RELN: variants seen among roughly 807,000 people sequenced by gnomAD.
RELN encodes reelin.
A neutral mutation model predicts 427.6 loss-of-function variants in RELN; 108 were observed. The ratio of observed to expected loss-of-function variants is 0.25; its 90% CI spans 0.22 to 0.30. The LOEUF (loss-of-function observed/expected upper bound fraction) is 0.30, where lower values mean the gene tolerates loss of function less well. Ranked by LOEUF, RELN falls within the 10% of genes least tolerant of loss-of-function variation. The pLI is 1.00. For synonymous variants in RELN, 1,524 were observed against 1,513.4 expected, an observed-to-expected ratio of 1.01 and a Z score of -0.16; for missense variants, 3,715 against 4,302.8, an observed-to-expected ratio of 0.86 and a Z score of 3.82.
At chr7:103,774,411 T>A (rs1438007233) in intron 4 of RELN, among the ~76,000 whole-genome samples, 6 of 152,144 alleles carry the variant, frequency 3.9e-5, no homozygotes, top group Admixed American at 3.9e-4. Flanking sequence ...TTTTTCAATA[T>A]GTTTAGCAAG....
chr7:103,573,731 G>A lies in RELN; in HGVS notation c.4511+361C>T, dbSNP rs569899887. ...CAAATCAACTTAGATAAATGAGGACGCATCAATTTCAGACATAGAATGTAA... is the reference window on the plus strand; with the variant it reads ...CAAATCAACTTAGATAAATGAGGACACATCAATTTCAGACATAGAATGTAA... On this transcript the variant is annotated intron_variant, in intron 30 of 64. Coordinates refer to ENST00000428762, the MANE Select transcript of RELN (RefSeq NM_005045.4). This position sits in a 1 kb window ranked among gnomAD's most constrained non-coding sequence, Gnocchi z 4.4. Among the ~76,000 whole-genome samples, 3 of 152,274 alleles carry A rather than the reference G, an allele frequency of 2.0e-5. No homozygotes were observed. The highest frequency in any genetic ancestry group is 3.9e-4 in the East Asian group (2 of 5,180).
chr7:103,881,716 T>G (rs566238796), intron 2 of RELN, among the ~76,000 whole-genome samples: 9 of 152,156 alleles, frequency 5.9e-5, no homozygotes, highest in Non-Finnish European at 1.3e-4. Context: ...AAAAGTAACG[T>G]CATCTCGGAT....
intron 3 of RELN, among the ~76,000 whole-genome samples, chr7:103,815,912 T>G (rs183816346): frequency 2.0e-4 from 30 of 152,360 alleles, no homozygotes; most frequent in Admixed American, 1.8e-3. Flanking sequence ...CCTGATTACA[T>G]CTTTCATTAA....
At chr7:103,759,092 C>T (rs1199475174) in intron 4 of RELN, among the ~76,000 whole-genome samples, 2 of 151,880 alleles carry the variant, frequency 1.3e-5, no homozygotes, top group African/African-American at 4.8e-5. Flanking sequence ...TTAGAAGGTA[C>T]TTTAAAGTTT....
At chr7:103,971,359 G>A in intron 1 of RELN, among the ~76,000 whole-genome samples, 1 of 151,858 alleles carries the variant, frequency 6.6e-6, no homozygotes, top group African/African-American at 2.4e-5. Flanking sequence ...TATATTACAA[G>A]GAATTACTAA....
intron 2 of RELN, among the ~76,000 whole-genome samples, chr7:103,888,623 C>T (rs1396637246): frequency 6.6e-6 from 1 of 152,128 alleles, no homozygotes; most frequent in Non-Finnish European, 1.5e-5. Context: ...CCTGGCAGAG[C>T]CACTACTTGC....
intron 43 of RELN, among the ~76,000 whole-genome samples, chr7:103,540,915 G>T (rs1359471198): frequency 6.6e-6 from 1 of 152,178 alleles, no homozygotes; most frequent in Non-Finnish European, 1.5e-5. Context: ...TTCTTCTAAG[G>T]TTTCACCAGT....
intron 8 of RELN, among the ~76,000 whole-genome samples, chr7:103,713,589 T>C (rs1173011320): frequency 6.6e-6 from 1 of 152,036 alleles, no homozygotes; most frequent in African/African-American, 2.4e-5. Context: ...TGCCTCATTC[T>C]ACACTGAAAT....
intron 6 of RELN, among the ~76,000 whole-genome samples, chr7:103,739,267 T>C (rs1273537041): frequency 1.3e-5 from 2 of 152,384 alleles, no homozygotes; most frequent in South Asian, 2.1e-4. Context: ...ACTATGGATA[T>C]GTAGTTGATG....
intron 41 of RELN, among the ~76,000 whole-genome samples, chr7:103,547,104 C>T (rs1482561160): frequency 1.3e-5 from 2 of 152,166 alleles, no homozygotes; most frequent in Non-Finnish European, 2.9e-5. Flanking sequence ...GACATGTGCA[C>T]TTATTTTTGT....
At chr7:103,549,018 T>C (rs965979942) in intron 41 of RELN, among the ~76,000 whole-genome samples, 1 of 152,038 alleles carries the variant, frequency 6.6e-6, no homozygotes, top group Non-Finnish European at 1.5e-5. Context: ...TCGTTCGTTT[T>C]CTATTTAATT....
chr7:103,697,195 C>T (rs968843655), intron 10 of RELN, among the ~76,000 whole-genome samples: 1 of 152,142 alleles, frequency 6.6e-6, no homozygotes, highest in Admixed American at 6.6e-5. Context: ...TGTCTGTACC[C>T]TTGTCACTTA....
chr7:103,749,951 C>T lies in RELN; in HGVS notation c.578-447G>A, dbSNP rs557887678. ...GGGCAAGTTACTCTCATGCTGTTCT[C>T]ATGACAGTGAGTTCTCATGAGATTT... is the stretch of plus-strand genomic sequence containing the variant. On this transcript the variant is annotated intron_variant, in intron 5 of 64. Transcript: ENST00000428762. 1.5e-4 allele frequency among the ~76,000 whole-genome samples: 23 copies of T among 151,752 alleles called. No individual in the cohort carries two copies. In the South Asian group the frequency reaches 4.4e-3, roughly 29 times the overall value.
chr7:103,821,946 A>AT (rs1291970436), intron 3 of RELN, among the ~76,000 whole-genome samples: 1 of 152,122 alleles, frequency 6.6e-6, no homozygotes, highest in Non-Finnish European at 1.5e-5. Flanking sequence ...TGACTAACAC[A>AT]TTTTTGTTTC....
chr7:103,571,001 G>T (rs1033859942), intron 31 of RELN, among the ~76,000 whole-genome samples: 3 of 152,200 alleles, frequency 2.0e-5, no homozygotes, highest in Non-Finnish European at 4.4e-5. Context: ...ATGCAAAAAT[G>T]GTCTATAAAA....
intron 2 of RELN, among the ~76,000 whole-genome samples, chr7:103,910,445 C>G (rs1795339307): frequency 6.6e-6 from 1 of 151,914 alleles, no homozygotes; most frequent in Non-Finnish European, 1.5e-5. Context: ...ACTTCCAACA[C>G]TATGTTGAAT....
chr7:103,667,331 G>T (rs1484419779), intron 11 of RELN, among the ~76,000 whole-genome samples: 1 of 152,154 alleles, frequency 6.6e-6, no homozygotes, highest in Non-Finnish European at 1.5e-5. Context: ...AAATCAGCAA[G>T]CTTCTCTTTT....
At chr7:103,814,078 T>C (rs566459675) in intron 3 of RELN, among the ~76,000 whole-genome samples, 56 of 152,290 alleles carry the variant, frequency 3.7e-4, no homozygotes, top group African/African-American at 1.3e-3. Flanking sequence ...AGGGCCTGAA[T>C]TGACTCAGGA....
intron 6 of RELN, among the ~76,000 whole-genome samples, chr7:103,736,270 G>T (rs752367516): frequency 6.6e-6 from 1 of 152,228 alleles, no homozygotes; most frequent in Non-Finnish European, 1.5e-5. Flanking sequence ...AATAAAGAGG[G>T]CATGACCATT....
Sources: gnomAD v4.1 joint callset for allele counts (sites outside exome capture counted in the v4.1 genomes callset) on GRCh38, gnomAD v4.1.1 for gene constraint, Gnocchi (gnomAD v3.1) non-coding constraint, MANE v1.5 for transcripts, NCBI Gene and HGNC (gene_info 2026-07-23, HGNC 2026-07-21) for gene names.